The following PDS5A variants were observed in gnomAD, a reference collection of about 807,000 sequenced individuals.
The protein encoded by PDS5A is PDS5 cohesin associated factor A.
Under a neutral mutation model 167.1 loss-of-function variants are expected in PDS5A, and 42 were observed. That is an observed-to-expected ratio of 0.25 (90% CI 0.20 to 0.33). PDS5A has a LOEUF of 0.33. PDS5A is among the 10% of genes least tolerant of loss of function. The probability of loss-of-function intolerance (pLI) is 1.00; values close to 1 mark genes in which losing one functional copy is unlikely to be tolerated. For synonymous variants in PDS5A, 553 were observed against 554.6 expected (o/e 1.00, Z 0.04); for missense variants, 1,033 against 1,605.9 (o/e 0.64, Z 6.10).
At chr4:39,954,977 C>G (rs1005719884) in intron 2 of PDS5A, among the ~76,000 whole-genome samples, 1 of 151,726 alleles carries the variant, frequency 6.6e-6, no homozygotes, top group African/African-American at 2.4e-5. Flanking sequence ...GAGGTGGAGG[C>G]AGCAGTGAGC....
intron 22 of PDS5A, among the ~76,000 whole-genome samples, chr4:39,867,860 T>A (rs1719688620): frequency 1.3e-5 from 2 of 151,934 alleles, no homozygotes; most frequent in South Asian, 4.1e-4. Flanking sequence ...GAAGAAACCA[T>A]CAAGTCTGAT....
At chr4:39,951,716 C>T (rs1444890291) in intron 2 of PDS5A, among the ~76,000 whole-genome samples, 10 of 151,932 alleles carry the variant, frequency 6.6e-5, no homozygotes, top group African/African-American at 2.4e-4. Context: ...CTGGCTAACA[C>T]GGTGAAACCC....
chr4:39,837,765 C>T (rs1027981450), intron 32 of PDS5A, 91 bp downstream of exon 32: 2 of 880,518 alleles, frequency 2.3e-6, no homozygotes, highest in African/African-American at 3.4e-5. Context: ...CTCTCAAATG[C>T]TTAGGTGTTT....
intron 16 of PDS5A, among the ~76,000 whole-genome samples, chr4:39,891,993 C>T (rs1285066942): frequency 1.3e-5 from 2 of 152,064 alleles, no homozygotes; most frequent in African/African-American, 4.8e-5. Flanking sequence ...TGCCTGGGGT[C>T]CCAGCTACTC....
intron 26 of PDS5A, among the ~76,000 whole-genome samples, chr4:39,859,682 A>G (rs1214352081): frequency 6.6e-6 from 1 of 152,176 alleles, no homozygotes; most frequent in Admixed American, 6.6e-5. Flanking sequence ...CTGTCAGAAC[A>G]CCACTCGCAC....
chr4:39,938,634 T>G (rs1726886199), intron 2 of PDS5A, among the ~76,000 whole-genome samples: 1 of 151,844 alleles, frequency 6.6e-6, no homozygotes, highest in African/African-American at 2.4e-5. Context: ...AAACTACAAG[T>G]GAAAAATGTC....
chr4:39,878,697 A>G (rs1720683847), intron 18 of PDS5A, among the ~76,000 whole-genome samples: 1 of 152,196 alleles, frequency 6.6e-6, no homozygotes, highest in African/African-American at 2.4e-5. Flanking sequence ...ACTAAAAACA[A>G]TTAAAATCTT....
chr4:39,833,029 T>A (rs1251181090), intron 32 of PDS5A, among the ~76,000 whole-genome samples: 1 of 146,812 alleles, frequency 6.8e-6, no homozygotes, highest in Non-Finnish European at 1.5e-5. Context: ...AATAAATAAA[T>A]ATATATATAA....
intron 2 of PDS5A, among the ~76,000 whole-genome samples, chr4:39,937,508 G>A (rs1726740068): frequency 6.6e-6 from 1 of 152,080 alleles, no homozygotes; most frequent in South Asian, 2.1e-4. Flanking sequence ...CAACCTCCCT[G>A]GCTCAAGTGA....
At chr4:39,975,479 C>T (rs1055686108) in intron 2 of PDS5A, among the ~76,000 whole-genome samples, 1 of 152,168 alleles carries the variant, frequency 6.6e-6, no homozygotes, top group African/African-American at 2.4e-5. Context: ...ATGTTGCTTC[C>T]CTCACCTCCC....
intron 32 of PDS5A, among the ~76,000 whole-genome samples, chr4:39,833,797 CAA>C (rs1413717501): frequency 2.6e-5 from 4 of 152,140 alleles, no homozygotes; most frequent in Non-Finnish European, 5.9e-5. Context: ...AGAGGACTGA[CAA>C]GAGCAGAAAC....
intron 2 of PDS5A, among the ~76,000 whole-genome samples, chr4:39,959,171 A>C (rs1005353257): frequency 2.6e-5 from 4 of 152,166 alleles, no homozygotes; most frequent in Non-Finnish European, 4.4e-5. Context: ...TCACATGAAA[A>C]TCCATTCTAC....
At position 39,898,800 on chromosome 4, in the gene PDS5A, A is replaced by G; in HGVS notation, c.1607T>C (p.Phe536Ser). The G allele has an allele frequency of 6.3e-7, 1 of 1,591,258 alleles. No individual in the cohort carries two copies. The highest frequency in any genetic ancestry group is 8.6e-7 in the Non-Finnish European group (1 of 1,166,132). ...PTSEANCSAM[F>S]GKLMTIAKNL... ...ACTTGCTATGGTCATCAGTTTTCCA[A>G]ACATGGCAGAACAGTTAGCCTCTGA... The change falls in exon 15 of 33, where the codon TTT (phenylalanine) becomes TCT (serine). Residue 536 changes from phenylalanine (F) to serine (S), a missense_variant. By Grantham distance (155) the Phe-to-Ser change is radical. This residue lies in a region of PDS5A where 45 missense variants were observed against 40.2 expected (regional missense o/e 1.12). Coordinates refer to ENST00000303538, the MANE Select transcript of PDS5A (RefSeq NM_001100399.2).
chr4:39,837,922 T>G lies in PDS5A; in HGVS notation c.3944A>C (p.Lys1315Thr), dbSNP rs762058912. ...SPGGLEAGNA[K>T]APKLQDLAKK... ...GGCTAAATCTTGCAGTTTGGGTGCTTTGGCATTACCTGCTTCCAAACCCCC... is the reference window on the plus strand; with the variant it reads ...GGCTAAATCTTGCAGTTTGGGTGCTGTGGCATTACCTGCTTCCAAACCCCC... Residue 1315 changes from lysine (K) to threonine (T), a missense_variant, in exon 32 of 33, where the codon AAA becomes ACA. Coordinates refer to ENST00000303538, the MANE Select transcript of PDS5A (RefSeq NM_001100399.2). 1.2e-6 allele frequency: 2 copies of G among 1,613,934 alleles called. No homozygotes were observed. The highest frequency in any genetic ancestry group is 2.2e-5 in the East Asian group (1 of 44,882).
At chr4:39,951,291 A>C (rs1728328138) in intron 2 of PDS5A, among the ~76,000 whole-genome samples, 1 of 152,224 alleles carries the variant, frequency 6.6e-6, no homozygotes. Flanking sequence ...TTTGATATTT[A>C]GAGATGATAA....
chr4:39,933,958 G>C (rs1288915983), intron 2 of PDS5A, among the ~76,000 whole-genome samples: 2 of 152,204 alleles, frequency 1.3e-5, no homozygotes, highest in Non-Finnish European at 2.9e-5. Context: ...GGCAAGTATG[G>C]AGTGAGCTGT....
intron 32 of PDS5A, among the ~76,000 whole-genome samples, chr4:39,833,191 C>CAAAAAAAAAAAAAAA (rs1166233113): frequency 2.6e-5 from 1 of 37,926 alleles, no homozygotes; most frequent in African/African-American, 1.3e-4. Context: ...AACTCCGTCT[C>CAAAAAAAAAAAAAAA]AAAAAAAAAA....
chr4:39,924,815 A>T (rs940839701), intron 5 of PDS5A, among the ~76,000 whole-genome samples: 4 of 152,246 alleles, frequency 2.6e-5, no homozygotes, highest in Admixed American at 2.0e-4. Context: ...AATTTACTAT[A>T]CAAAAAACAA....
intron 16 of PDS5A, among the ~76,000 whole-genome samples, chr4:39,897,153 G>A (rs1284250720): frequency 6.6e-6 from 1 of 152,084 alleles, no homozygotes; most frequent in East Asian, 1.9e-4. Context: ...CAGCACTTTG[G>A]GAGGCCGAGG....
Sources: gnomAD v4.1 joint callset for allele counts (sites outside exome capture counted in the v4.1 genomes callset) on GRCh38, gnomAD v4.1.1 for gene constraint, gnomAD v4.1.1 regional missense constraint, MANE v1.5 for transcripts, NCBI Gene and HGNC (gene_info 2026-07-23, HGNC 2026-07-21) for gene names.